The following PCDHA2 variants were observed in gnomAD, a reference collection of about 807,000 sequenced individuals.
PCDHA2 encodes protocadherin alpha 2.
PCDHA2 carries 58 observed loss-of-function variants against 66.0 expected under a neutral mutation model. That is an observed-to-expected ratio of 0.88 (90% CI 0.71 to 1.09). The LOEUF (loss-of-function observed/expected upper bound fraction) is 1.09, where lower values mean the gene tolerates loss of function less well. PCDHA2 is among the 50% of genes least tolerant of loss of function. PCDHA2 has a pLI of 0.00. For synonymous variants in PCDHA2, 634 were observed against 554.0 expected (o/e 1.14, Z -2.03); for missense variants, 1,267 against 1,242.3 (o/e 1.02, Z -0.30).
At chr5:140,968,508 A>T in intron 1 of PCDHA2, 1 of 1,614,068 alleles carries the variant, frequency 6.2e-7, no homozygotes. Flanking sequence ...CACATTCTGT[A>T]CCCTACCTCA....
At chr5:140,824,614 T>TTTTTTTTTTG (rs1768229556) in intron 1 of PCDHA2, 1 of 124,554 alleles carries the variant, frequency 8.0e-6, no homozygotes, top group Admixed American at 7.7e-5. Context: ...ATTAAAGTTT[T>TTTTTTTTTTG]TTTTTTTTTT....
intron 1 of PCDHA2, chr5:140,882,238 G>T: frequency 6.3e-7 from 1 of 1,583,494 alleles, no homozygotes; most frequent in Non-Finnish European, 8.6e-7. Context: ...TGTATATATT[G>T]CAGATAGCTC....
At chr5:140,942,361 G>A (rs1554214935) in intron 1 of PCDHA2, among the ~76,000 whole-genome samples, 1 of 151,920 alleles carries the variant, frequency 6.6e-6, no homozygotes, top group East Asian at 1.9e-4. Context: ...GCAGTTAACG[G>A]AGATTGCACC....
chr5:140,861,207 AC>A (rs2046795908), intron 1 of PCDHA2: 1 of 165,948 alleles, frequency 6.0e-6, no homozygotes, highest in East Asian at 1.8e-4. Context: ...TGTTTTACTA[AC>A]CAAAAGAGAG....
chr5:140,854,159 CAAAA>C (rs59855104), intron 1 of PCDHA2: 81 of 341,326 alleles, frequency 2.4e-4, no homozygotes, highest in Middle Eastern at 1.4e-3. Flanking sequence ...GATTCTGTCT[CAAAA>C]AAAAAAAAAA....
At chr5:140,940,285 T>C (rs2092587239) in intron 1 of PCDHA2, among the ~76,000 whole-genome samples, 3 of 152,222 alleles carry the variant, frequency 2.0e-5, no homozygotes, top group Admixed American at 6.5e-5. Context: ...CTCATTGTGC[T>C]GCTTCATCAG....
At chr5:140,979,494 A>C (rs1284874558) in intron 2 of PCDHA2, among the ~76,000 whole-genome samples, 6 of 152,010 alleles carry the variant, frequency 3.9e-5, no homozygotes, top group African/African-American at 1.2e-4. Flanking sequence ...CACCTATTAG[A>C]GCCTCCTCAT....
At chr5:140,830,527 A>C in intron 1 of PCDHA2, 1 of 1,307,954 alleles carries the variant, frequency 7.6e-7, no homozygotes, top group Non-Finnish European at 1.0e-6. Context: ...TTTATTTTAA[A>C]TTTATAATTG....
chr5:140,949,852 T>C (rs1311994394), intron 1 of PCDHA2, among the ~76,000 whole-genome samples: 1 of 151,956 alleles, frequency 6.6e-6, no homozygotes. Context: ...TGTTTCCGCT[T>C]ATCTGTTGTC....
At chr5:140,965,103 A>G (rs1453303865) in intron 1 of PCDHA2, among the ~76,000 whole-genome samples, 1 of 152,234 alleles carries the variant, frequency 6.6e-6, no homozygotes, top group Non-Finnish European at 1.5e-5. Context: ...TAGCTAGAAA[A>G]TGACCCATAG....
intron 1 of PCDHA2, chr5:140,862,723 C>T: frequency 1.8e-6 from 1 of 568,234 alleles, no homozygotes; most frequent in East Asian, 4.8e-5. Flanking sequence ...CGAGTGCGCG[C>T]TGTCTAGCTA....
At chr5:140,892,616 G>A (rs781995267) in intron 1 of PCDHA2, among the ~76,000 whole-genome samples, 1 of 151,910 alleles carries the variant, frequency 6.6e-6, no homozygotes, top group Admixed American at 6.6e-5. Flanking sequence ...TTTATTTCCA[G>A]TTGGTACATA....
chr5:140,931,578 C>T (rs2087609680), intron 1 of PCDHA2, among the ~76,000 whole-genome samples: 1 of 152,008 alleles, frequency 6.6e-6, no homozygotes, highest in South Asian at 2.1e-4. Flanking sequence ...CCCATTCATT[C>T]AGTTGAACAG....
At position 140,803,129 on chromosome 5, in the gene PCDHA2, C is replaced by T. The variant is rs375912217; in HGVS notation, c.2388+5777C>T. 10 of 1,613,686 alleles carry T rather than the reference C, an allele frequency of 6.2e-6. No homozygotes were observed. In the African/African-American group the frequency reaches 1.1e-4, roughly 17 times the overall value. Reference sequence around the variant, plus strand: ...CCCTGGACGAGGTGGACGCCCCGCGCCATCGCCTACTGGTGCTGGTGAAGG... The same window carrying T: ...CCCTGGACGAGGTGGACGCCCCGCGTCATCGCCTACTGGTGCTGGTGAAGG... On this transcript the variant is annotated intron_variant, in intron 1 of 3. Transcript: ENST00000526136.
chr5:140,971,452 T>G (rs1554233345), intron 1 of PCDHA2, among the ~76,000 whole-genome samples: 1 of 152,088 alleles, frequency 6.6e-6, no homozygotes, highest in Admixed American at 6.5e-5. Context: ...CTCCAGAAAT[T>G]TTTGCAGTTA....
chr5:140,869,793 C>A (rs782122541), intron 1 of PCDHA2: 44 of 1,612,682 alleles, frequency 2.7e-5, no homozygotes, highest in Non-Finnish European at 3.7e-5. Context: ...GGCTGTTAGT[C>A]CAAGTCTTGG....
intron 1 of PCDHA2, among the ~76,000 whole-genome samples, chr5:140,901,967 T>C (rs2069024315): frequency 6.6e-6 from 1 of 152,134 alleles, no homozygotes; most frequent in East Asian, 1.9e-4. Flanking sequence ...CTATCGTAAA[T>C]GGGATTACTT....
At chr5:140,969,519 G>T in intron 1 of PCDHA2, 2 of 1,406,074 alleles carry the variant, frequency 1.4e-6, no homozygotes, top group Admixed American at 2.8e-5. Context: ...CTAAAGAATT[G>T]TTTTATTTTT....
intron 3 of PCDHA2, among the ~76,000 whole-genome samples, chr5:140,985,090 A>C (rs1214396432): frequency 6.6e-6 from 1 of 152,076 alleles, no homozygotes; most frequent in Non-Finnish European, 1.5e-5. Context: ...GGCGTGTGCC[A>C]CCAAGCCTGG....
Sources: allele counts gnomAD v4.1 joint callset (sites outside exome capture counted in the v4.1 genomes callset), GRCh38; gene constraint gnomAD v4.1.1; transcripts MANE v1.5; gene names NCBI Gene and HGNC (gene_info 2026-07-23, HGNC 2026-07-21).